EPCIP: variants seen among roughly 807,000 people sequenced by gnomAD.
The protein encoded by EPCIP is exosomal polycystin-1-interacting protein.
chr21:32,805,474 G>C, the EPCIP span, among the ~76,000 whole-genome samples: 1 of 151,840 alleles, frequency 6.6e-6, no homozygotes, highest in African/African-American at 2.4e-5. Flanking sequence ...CAATTCTCCT[G>C]CCTCAGCCTC....
chr21:32,796,494 C>T, the EPCIP span, among the ~76,000 whole-genome samples: 13 of 152,302 alleles, frequency 8.5e-5, no homozygotes, highest in African/African-American at 1.4e-4. Flanking sequence ...AGAGATTCGA[C>T]GCGGGGGACT....
the EPCIP span, among the ~76,000 whole-genome samples, chr21:32,812,740 A>T: frequency 2.6e-5 from 4 of 152,290 alleles, no homozygotes; most frequent in East Asian, 7.7e-4. Context: ...TATTATGCAC[A>T]ATGTTTTTGA....
the EPCIP span, chr21:32,793,825 A>C: frequency 6.2e-7 from 1 of 1,614,218 alleles, no homozygotes; most frequent in Non-Finnish European, 8.5e-7. Flanking sequence ...TAAAGTAAGA[A>C]AAGTCAGGAA....
chr21:32,807,205 G>T, the EPCIP span, among the ~76,000 whole-genome samples: 2 of 152,148 alleles, frequency 1.3e-5, no homozygotes, highest in South Asian at 4.1e-4. Flanking sequence ...TGCTGATTGC[G>T]GTTTCCCCAG....
the EPCIP span, among the ~76,000 whole-genome samples, chr21:32,794,680 G>C: frequency 2.0e-5 from 3 of 152,244 alleles, no homozygotes; most frequent in Non-Finnish European, 4.4e-5. Flanking sequence ...AGAGACAGCA[G>C]CCAAACCTTT....
the EPCIP span, among the ~76,000 whole-genome samples, chr21:32,802,452 CTTAAAT>C: frequency 7.9e-5 from 12 of 152,312 alleles, no homozygotes; most frequent in African/African-American, 2.9e-4. Flanking sequence ...GAGACATCTA[CTTAAAT>C]CTTGTTTAAG....
the EPCIP span, among the ~76,000 whole-genome samples, chr21:32,807,948 A>G: frequency 6.6e-6 from 1 of 152,228 alleles, no homozygotes; most frequent in Admixed American, 6.5e-5. Flanking sequence ...AGCGTGAAAT[A>G]CACTTGGCTA....
chr21:32,804,086 A>G, the EPCIP span, among the ~76,000 whole-genome samples: 1 of 152,190 alleles, frequency 6.6e-6, no homozygotes. Context: ...TGCAGGCAAA[A>G]TTAGCTTCAA....
the EPCIP span, among the ~76,000 whole-genome samples, chr21:32,799,199 C>G: frequency 2.0e-5 from 3 of 152,220 alleles, no homozygotes; most frequent in South Asian, 2.1e-4. Context: ...TGGGTGCCCA[C>G]AAGACCCATG....
At chr21:32,802,423 T>A in the EPCIP span, among the ~76,000 whole-genome samples, 4 of 152,140 alleles carry the variant, frequency 2.6e-5, no homozygotes, top group Non-Finnish European at 5.9e-5. Context: ...AAAAATGAGA[T>A]GGTAAAGGTC....
chr21:32,804,040 G>A, the EPCIP span, among the ~76,000 whole-genome samples: 59 of 152,258 alleles, frequency 3.9e-4, no homozygotes, highest in Non-Finnish European at 6.6e-4. Context: ...TCTAGAAAAA[G>A]ATGAAGTAAA....
At chr21:32,802,281 A>G in the EPCIP span, among the ~76,000 whole-genome samples, 1 of 152,228 alleles carries the variant, frequency 6.6e-6, no homozygotes, top group Non-Finnish European at 1.5e-5. Context: ...CACAAACTGT[A>G]GCATTTTTAA....
chr21:32,791,444 CTAA>C, the EPCIP span: 2 of 152,222 alleles, frequency 1.3e-5, no homozygotes, highest in South Asian at 2.1e-4. Flanking sequence ...TTTTCAGTAA[CTAA>C]TGACAATGAA....
the EPCIP span, among the ~76,000 whole-genome samples, chr21:32,793,013 G>A: frequency 6.6e-6 from 1 of 151,738 alleles, no homozygotes; most frequent in African/African-American, 2.4e-5. Context: ...AGTGTAGAGT[G>A]CAGTGGCACG....
the EPCIP span, among the ~76,000 whole-genome samples, chr21:32,812,338 C>A: frequency 6.6e-6 from 1 of 152,156 alleles, no homozygotes; most frequent in Non-Finnish European, 1.5e-5. Context: ...AACTGTGAGG[C>A]CTGCCTGTTC....
At chr21:32,806,205 G>A in the EPCIP span, among the ~76,000 whole-genome samples, 4 of 152,236 alleles carry the variant, frequency 2.6e-5, no homozygotes, top group Non-Finnish European at 5.9e-5. Flanking sequence ...GTGGTGGACA[G>A]AAGCATTTTC....
chr21:32,813,272 TTAAG>T, the EPCIP span, among the ~76,000 whole-genome samples: 1 of 152,176 alleles, frequency 6.6e-6, no homozygotes, highest in African/African-American at 2.4e-5. Flanking sequence ...TATATTAGCT[TTAAG>T]TGAGTTTATC....
At chr21:32,794,345 C>A in the EPCIP span, 4 of 1,614,082 alleles carry the variant, frequency 2.5e-6, no homozygotes, top group African/African-American at 1.3e-5. Flanking sequence ...GTTCTTCTGA[C>A]CTTTGGTGAA....
At chr21:32,793,806 G>A in the EPCIP span, 1 of 1,614,154 alleles carries the variant, frequency 6.2e-7, no homozygotes, top group South Asian at 1.1e-5. Context: ...CTTGGCATTG[G>A]GAAGGTTCTA....
Sources: gnomAD v4.1 joint callset for allele counts (sites outside exome capture counted in the v4.1 genomes callset) on GRCh38, gnomAD v4.1.1 for gene constraint, MANE v1.5 for transcripts, NCBI Gene and HGNC (gene_info 2026-07-23, HGNC 2026-07-21) for gene names.